Variants in MYT1L observed in about 807,000 individuals in gnomAD.
MYT1L encodes the protein myelin transcription factor 1 like, also known as myelin transcription factor 1-like protein.
Under a neutral mutation model 126.7 loss-of-function variants are expected in MYT1L, and 12 were observed. The ratio of observed to expected loss-of-function variants is 0.09; its 90% CI spans 0.06 to 0.15. The LOEUF (loss-of-function observed/expected upper bound fraction) is 0.15, where lower values mean the gene tolerates loss of function less well. Among genes scored for constraint, MYT1L ranks in the 10% least tolerant of loss-of-function variants. The pLI, the probability that MYT1L is intolerant of heterozygous loss-of-function variation, is 1.00. For synonymous variants in MYT1L, 541 were observed against 604.2 expected (o/e 0.90, Z 1.53); for missense variants, 979 against 1,585.2 (o/e 0.62, Z 6.49).
At chr2:2,075,186 G>GT (rs1182068923) in intron 3 of MYT1L, among the ~76,000 whole-genome samples, 1 of 152,214 alleles carries the variant, frequency 6.6e-6, no homozygotes, top group Admixed American at 6.5e-5. Context: ...GCCATAGACT[G>GT]TTTATCAGAT....
intron 3 of MYT1L, among the ~76,000 whole-genome samples, chr2:2,076,809 G>GAC (rs57282368): frequency 3.3e-5 from 5 of 151,590 alleles, no homozygotes; most frequent in East Asian, 1.9e-4. Flanking sequence ...AGGAAAGTAT[G>GAC]ACACACACAC....
At chr2:1,987,166 T>A (rs2061095793) in intron 5 of MYT1L, among the ~76,000 whole-genome samples, 1 of 152,108 alleles carries the variant, frequency 6.6e-6, no homozygotes, top group Non-Finnish European at 1.5e-5. Flanking sequence ...GAATCAGAAT[T>A]TTAGGGCTGG....
At chr2:1,911,427 G>C (rs1304653456) in intron 12 of MYT1L, among the ~76,000 whole-genome samples, 1 of 152,200 alleles carries the variant, frequency 6.6e-6, no homozygotes, top group Non-Finnish European at 1.5e-5. Flanking sequence ...GGGCAGCTGA[G>C]TAGTTCTTAT....
rs549919341 is a variant in MYT1L at position 1,857,183 on chromosome 2, C to T, written c.2712-5480G>A. The stretch of plus-strand genomic sequence containing the variant: ...TCAGCATCTTACAGGAGCATGACTG[C>T]GGGCCAAGACCCAGTGGGTCCACCA... On this transcript the variant is annotated intron_variant, in intron 18 of 24. Coordinates refer to ENST00000647738, the MANE Select transcript of MYT1L (RefSeq NM_001303052.2). Among the ~76,000 whole-genome samples, 6 of 152,346 alleles carry T rather than the reference C, an allele frequency of 3.9e-5. No individual in the cohort carries two copies. The East Asian group carries it at 5.8e-4, about 15-fold the overall frequency.
intron 22 of MYT1L, among the ~76,000 whole-genome samples, chr2:1,803,727 G>A (rs1231954169): frequency 6.6e-6 from 1 of 152,164 alleles, no homozygotes; most frequent in Admixed American, 6.5e-5. Context: ...CTCAGTCCTG[G>A]GGCTGCCCAC....
chr2:2,304,104 T>G lies in MYT1L; in HGVS notation c.-520-19601A>C, dbSNP rs1266165336. 3 of 152,224 alleles carry G rather than the reference T, an allele frequency of 2.0e-5. No individual in the cohort carries two copies. The East Asian group carries it at 5.8e-4, about 29-fold the overall frequency. The allele number at this position is 152,224 out of a possible 1,614,324, so 9.4% of individuals were successfully genotyped here. ...GAAAAATAAAGTGAGACGCTATAGC[T>G]GTACAGGATTTAACAAAATATTAAC... On this transcript the variant is annotated intron_variant, in intron 1 of 24. Coordinates refer to ENST00000647738, the MANE Select transcript of MYT1L (RefSeq NM_001303052.2).
At chr2:1,904,262 TG>T (rs2050739908) in intron 13 of MYT1L, among the ~76,000 whole-genome samples, 1 of 152,218 alleles carries the variant, frequency 6.6e-6, no homozygotes, top group Non-Finnish European at 1.5e-5. Flanking sequence ...TCCTGCGTTC[TG>T]TCCTCCCCCT....
At chr2:2,261,133 G>T (rs867982888) in intron 2 of MYT1L, among the ~76,000 whole-genome samples, 10 of 131,758 alleles carry the variant, frequency 7.6e-5, no homozygotes, top group Admixed American at 3.8e-4. Flanking sequence ...GTGCATGTGT[G>T]TGTGAGTGCG....
chr2:1,983,316 G>A (rs1223421561), intron 5 of MYT1L, among the ~76,000 whole-genome samples: 1 of 152,224 alleles, frequency 6.6e-6, no homozygotes, highest in Non-Finnish European at 1.5e-5. Flanking sequence ...CCCACATGGA[G>A]CAGACACTAA....
At chr2:1,865,324 C>A (rs1276841293) in intron 18 of MYT1L, among the ~76,000 whole-genome samples, 1 of 152,150 alleles carries the variant, frequency 6.6e-6, no homozygotes, top group Non-Finnish European at 1.5e-5. Context: ...TGCGGCCGTG[C>A]GGGGTTCCTG....
At chr2:1,836,710 T>C (rs2040950537) in intron 21 of MYT1L, among the ~76,000 whole-genome samples, 1 of 149,192 alleles carries the variant, frequency 6.7e-6, no homozygotes, top group South Asian at 2.2e-4. Flanking sequence ...CCCATCAGCC[T>C]GCATCCCAAA....
In MYT1L at chr2:1,979,668, G is replaced by T; in HGVS notation, c.55+55C>A. On this transcript the variant is annotated intron_variant, in intron 6 of 24. Coordinates refer to ENST00000647738, the MANE Select transcript of MYT1L (RefSeq NM_001303052.2). This position sits in a 1 kb window ranked among gnomAD's most constrained non-coding sequence, Gnocchi z 4.0. The stretch of plus-strand genomic sequence containing the variant: ...TGGGGTCAGAATCGACCTCAGTTCC[G>T]CAGGATGAAGGTGACCCTGAGCCGG... The T allele has an allele frequency of 6.2e-7, 1 of 1,609,314 alleles. No homozygotes were observed. The highest frequency in any genetic ancestry group is 2.2e-5 in the East Asian group (1 of 44,852).
intron 2 of MYT1L, among the ~76,000 whole-genome samples, chr2:2,207,162 C>A (rs1041596356): frequency 6.6e-6 from 1 of 152,158 alleles, no homozygotes; most frequent in Admixed American, 6.5e-5. Context: ...CCTTCTCTTT[C>A]CCCCAGGTAC....
At position 1,912,241 on chromosome 2, in the gene MYT1L, A is replaced by G. The variant is rs555240755; in HGVS notation, c.1619-131T>C. ...AGTCCTACAAACGTTTGTGATGGGC[A>G]TGGCCAGGAAAACACACATGGGAGG... On this transcript the variant is annotated intron_variant, in intron 11 of 24. Coordinates refer to ENST00000647738, the MANE Select transcript of MYT1L (RefSeq NM_001303052.2). The surrounding 1 kb of genome is among the most constrained non-coding windows in gnomAD (Gnocchi z 4.3). 27 of 541,922 alleles carry G rather than the reference A, an allele frequency of 5.0e-5. No homozygotes were observed. The highest frequency in any genetic ancestry group is 7.7e-5 in the Non-Finnish European group (24 of 311,838). The allele number at this position is 541,922 out of a possible 1,614,324, so 33.6% of individuals were successfully genotyped here.
At chr2:1,914,913 G>A (rs970653991) in intron 11 of MYT1L, among the ~76,000 whole-genome samples, 3 of 152,118 alleles carry the variant, frequency 2.0e-5, no homozygotes, top group East Asian at 1.9e-4. Context: ...TGGGTTCCTC[G>A]CCTCTCACAC....
chr2:2,263,696 A>C (rs1465473501), intron 2 of MYT1L, among the ~76,000 whole-genome samples: 1 of 152,084 alleles, frequency 6.6e-6, no homozygotes, highest in Non-Finnish European at 1.5e-5. Context: ...GTTCATCCTG[A>C]TATGACTTTG....
At chr2:1,853,493 T>G (rs144084333) in intron 18 of MYT1L, among the ~76,000 whole-genome samples, 1 of 152,356 alleles carries the variant, frequency 6.6e-6, no homozygotes, top group East Asian at 1.9e-4. Flanking sequence ...TAGCTGGTTT[T>G]TCAAATGACA....
intron 2 of MYT1L, among the ~76,000 whole-genome samples, chr2:2,278,044 A>T (rs2095391988): frequency 1.3e-5 from 2 of 152,240 alleles, no homozygotes; most frequent in Non-Finnish European, 2.9e-5. Flanking sequence ...CATATACAAA[A>T]TTAGACTTCT....
intron 4 of MYT1L, among the ~76,000 whole-genome samples, chr2:2,029,823 A>C (rs1361696809): frequency 1.3e-5 from 2 of 152,236 alleles, no homozygotes; most frequent in Non-Finnish European, 2.9e-5. Flanking sequence ...TTTGCATATC[A>C]TTCTATATGG....
Sources: gnomAD v4.1 joint callset for allele counts (sites outside exome capture counted in the v4.1 genomes callset) on GRCh38, gnomAD v4.1.1 for gene constraint, Gnocchi (gnomAD v3.1) non-coding constraint, MANE v1.5 for transcripts, NCBI Gene and HGNC (gene_info 2026-07-23, HGNC 2026-07-21) for gene names.